Variants in CFAP61 observed in about 807,000 individuals in gnomAD.
CFAP61 encodes the protein cilia- and flagella-associated protein 61.
Under a neutral mutation model 135.6 loss-of-function variants are expected in CFAP61, and 107 were observed. The observed-to-expected ratio is 0.79, with a 90% CI of 0.67 to 0.93. The LOEUF is 0.93. Ranked by LOEUF, CFAP61 falls within the 40% of genes least tolerant of loss-of-function variation. The pLI is 0.00. For missense variants in CFAP61, 1,507 were observed against 1,556.2 expected, an observed-to-expected ratio of 0.97 and a Z score of 0.53; for synonymous variants, 575 against 578.5, an observed-to-expected ratio of 0.99 and a Z score of 0.09.
At chr20:20,209,367 A>C (rs1319355222) in intron 17 of CFAP61, among the ~76,000 whole-genome samples, 1 of 152,230 alleles carries the variant, frequency 6.6e-6, no homozygotes, top group East Asian at 1.9e-4. Context: ...GCTCAGTCAA[A>C]GGTAAAGTTA....
At chr20:20,099,753 C>T (rs1422288636) in intron 8 of CFAP61, among the ~76,000 whole-genome samples, 1 of 152,172 alleles carries the variant, frequency 6.6e-6, no homozygotes. Flanking sequence ...TATGCTTTCT[C>T]CTGTCTGAAA....
chr20:20,281,788 A>C (rs973486305), intron 22 of CFAP61, among the ~76,000 whole-genome samples: 5 of 152,180 alleles, frequency 3.3e-5, no homozygotes, highest in Non-Finnish European at 5.9e-5. Context: ...AAATTCGGGC[A>C]ATGTTCCCTC....
chr20:20,308,589 T>C (rs1222520523), intron 25 of CFAP61, among the ~76,000 whole-genome samples: 1 of 152,128 alleles, frequency 6.6e-6, no homozygotes, highest in Non-Finnish European at 1.5e-5. Context: ...CTTATACTTG[T>C]TTCAAGCTCA....
At chr20:20,341,068 A>G (rs1433934095) in intron 25 of CFAP61, among the ~76,000 whole-genome samples, 1 of 152,110 alleles carries the variant, frequency 6.6e-6, no homozygotes, top group Non-Finnish European at 1.5e-5. Context: ...CACAACATCC[A>G]TAAACAGTAA....
At chr20:20,052,626 GGACTGCGGTGCAGGGCGTCCAGGGC>G (rs2043816187) in intron 1 of CFAP61, 35 bp downstream of exon 1, 1 of 1,613,530 alleles carries the variant, frequency 6.2e-7, no homozygotes, top group Non-Finnish European at 8.5e-7. Context: ...AGCGACGCAA[GGACTGCGGTGCAGGGCGTCCAGGGC>G]GCATCCCCAG....
At chr20:20,342,051 T>C (rs928781165) in intron 26 of CFAP61, 130 bp downstream of exon 26, 1 of 594,354 alleles carries the variant, frequency 1.7e-6, no homozygotes. Flanking sequence ...GTATCTCATA[T>C]AAACAAACTG....
intron 26 of CFAP61, among the ~76,000 whole-genome samples, chr20:20,355,777 G>C (rs1430770126): frequency 1.2e-3 from 163 of 134,096 alleles, no homozygotes; most frequent in South Asian, 3.6e-3. Context: ...CACACTGTGA[G>C]GGGAGGTGGT....
intron 10 of CFAP61, among the ~76,000 whole-genome samples, chr20:20,160,123 A>G (rs1413111092): frequency 6.6e-6 from 1 of 152,240 alleles, no homozygotes; most frequent in African/African-American, 2.4e-5. Context: ...CCTAAGAAGC[A>G]GAGGAGGGTG....
intron 6 of CFAP61, chr20:20,085,166 G>A (rs1270923519): frequency 4.1e-6 from 4 of 985,448 alleles, no homozygotes; most frequent in Non-Finnish European, 4.8e-6. Flanking sequence ...CAGTGCCAGG[G>A]CATGTGACGC....
chr20:20,345,387 A>G (rs1281111065), intron 26 of CFAP61, among the ~76,000 whole-genome samples: 1 of 152,230 alleles, frequency 6.6e-6, no homozygotes, highest in African/African-American at 2.4e-5. Context: ...ATACACAACT[A>G]TTATGTACTC....
intron 7 of CFAP61, among the ~76,000 whole-genome samples, chr20:20,096,599 C>T (rs528479989): frequency 2.6e-5 from 4 of 152,342 alleles, no homozygotes; most frequent in East Asian, 1.9e-4. Context: ...GTTGCGCCAG[C>T]GCGGCTGTAG....
At chr20:20,219,415 A>G (rs560736301) in intron 17 of CFAP61, among the ~76,000 whole-genome samples, 24 of 152,306 alleles carry the variant, frequency 1.6e-4, no homozygotes, top group South Asian at 6.2e-4. Flanking sequence ...AGTTGTTTCT[A>G]TAGGAATAAG....
At chr20:20,256,793 C>T (rs6136974) in intron 20 of CFAP61, among the ~76,000 whole-genome samples, 16 of 152,040 alleles carry the variant, frequency 1.1e-4, no homozygotes, top group Non-Finnish European at 2.2e-4. Flanking sequence ...CTTTTTTACC[C>T]GAAAAACATA....
chr20:20,243,969 A>G (rs560894563), intron 18 of CFAP61, among the ~76,000 whole-genome samples: 5 of 152,332 alleles, frequency 3.3e-5, no homozygotes, highest in African/African-American at 1.2e-4. Flanking sequence ...CCAGTGGGGC[A>G]GTCAAATCCT....
At chr20:20,129,947 G>A (rs2050382214) in intron 8 of CFAP61, among the ~76,000 whole-genome samples, 1 of 151,456 alleles carries the variant, frequency 6.6e-6, no homozygotes, top group Admixed American at 6.6e-5. Flanking sequence ...CAATTATTTT[G>A]TTAAATTTAT....
chr20:20,132,707 A>G (rs555292876), intron 8 of CFAP61, among the ~76,000 whole-genome samples: 1 of 152,092 alleles, frequency 6.6e-6, no homozygotes, highest in African/African-American at 2.4e-5. Context: ...TAATTTTTAA[A>G]TTATTCTATC....
At chr20:20,310,087 C>T (rs970082831) in intron 25 of CFAP61, among the ~76,000 whole-genome samples, 2 of 152,156 alleles carry the variant, frequency 1.3e-5, no homozygotes, top group Non-Finnish European at 2.9e-5. Flanking sequence ...CTCCACCTCC[C>T]TGGTTCAAGT....
chr20:20,337,102 C>T (rs538988075), intron 25 of CFAP61, among the ~76,000 whole-genome samples: 7 of 152,262 alleles, frequency 4.6e-5, no homozygotes, highest in South Asian at 2.1e-4. Flanking sequence ...GAAAAGTTTA[C>T]GTGGAAGCAT....
intron 26 of CFAP61, among the ~76,000 whole-genome samples, chr20:20,358,199 A>AG (rs2059342619): frequency 5.1e-5 from 4 of 77,938 alleles, no homozygotes; most frequent in South Asian, 9.9e-4. Context: ...CACTGAGGGG[A>AG]ATGGTCATAC....
Sources: allele counts gnomAD v4.1 joint callset (sites outside exome capture counted in the v4.1 genomes callset), GRCh38; gene constraint gnomAD v4.1.1; transcripts MANE v1.5; gene names NCBI Gene and HGNC (gene_info 2026-07-23, HGNC 2026-07-21).